Variants in PPIG observed in about 807,000 individuals in gnomAD.
The protein encoded by PPIG is peptidyl-prolyl cis-trans isomerase G.
In PPIG, 26 loss-of-function variants were observed where a neutral mutation model predicts 87.9. The observed-to-expected ratio is 0.30, with a 90% CI of 0.22 to 0.41. The LOEUF is 0.41. PPIG is among the 10% of genes least tolerant of loss of function. The probability of loss-of-function intolerance (pLI) is 1.00; values close to 1 mark genes in which losing one functional copy is unlikely to be tolerated. For synonymous variants in PPIG, 308 were observed against 276.5 expected (o/e 1.11, Z -1.13); for missense variants, 722 against 879.4 (o/e 0.82, Z 2.26).
Position 169,602,207 on chromosome 2 carries a change from T to A in PPIG, c.-69-1435T>A, listed in dbSNP as rs1377296452. On this transcript the variant is annotated intron_variant, in intron 1 of 13. Coordinates refer to ENST00000260970, the MANE Select transcript of PPIG (RefSeq NM_004792.3). ...CATCCCCAGGATATCTCGTGTATGA[T>A]AATATTCCAAAATTCAAAAAAAAAA... Among the ~76,000 whole-genome samples the A allele has an allele frequency of 2.9e-5, 4 of 139,268 alleles. No individual in the cohort carries two copies. In the East Asian group the frequency reaches 9.1e-4, roughly 32 times the overall value. The allele number at this position is 139,268 out of a possible 152,430, so 91.4% of individuals were successfully genotyped here.
chr2:169,592,494 C>G (rs772952020), intron 1 of PPIG, among the ~76,000 whole-genome samples: 2 of 151,894 alleles, frequency 1.3e-5, no homozygotes, highest in Admixed American at 6.6e-5. Context: ...TTAGGGGAGA[C>G]GGGGTTTCAC....
intron 9 of PPIG, among the ~76,000 whole-genome samples, chr2:169,624,760 T>G (rs1282541562): frequency 6.6e-6 from 1 of 151,964 alleles, no homozygotes; most frequent in East Asian, 1.9e-4. Context: ...GCTAATTTCT[T>G]TTTGTATTTT....
chr2:169,614,203 A>G (rs1001534629), intron 7 of PPIG, among the ~76,000 whole-genome samples: 2 of 152,248 alleles, frequency 1.3e-5, no homozygotes, highest in African/African-American at 4.8e-5. Context: ...TGAAATGTCT[A>G]TTTTAGTTAC....
At position 169,631,775 on chromosome 2, in the gene PPIG, T is replaced by A. The variant is rs1249204556; in HGVS notation, c.771T>A (p.Ser257Arg). 5 of 1,613,870 alleles carry A rather than the reference T, an allele frequency of 3.1e-6. No individual in the cohort carries two copies. The highest frequency in any genetic ancestry group is 4.2e-6 in the Non-Finnish European group (5 of 1,179,870). The change falls in exon 11 of 14, where the codon AGT becomes AGA. Residue 257 changes from serine to arginine, a missense_variant. By Grantham distance (110) the Ser-to-Arg change is moderately radical. Around this residue, in one of 4 missense-constraint regions of PPIG, gnomAD observed 142 missense variants for 152.8 expected, o/e 0.93. Coordinates refer to ENST00000260970, the MANE Select transcript of PPIG (RefSeq NM_004792.3). Reference protein sequence around the residue: ...KRKKSKKSASSESEAENLEAQ... With the variant: ...KRKKSKKSASRESEAENLEAQ... ...GTTTCTGTCTGTTAAGTGCATCTAG[T>A]GAGAGTGAAGCTGAAAATCTTGAAG...
intron 1 of PPIG, among the ~76,000 whole-genome samples, chr2:169,591,498 T>C (rs1684861783): frequency 1.3e-5 from 2 of 152,146 alleles, no homozygotes. Flanking sequence ...TTTTGTGCAT[T>C]TTGTATGATT....
chr2:169,624,181 G>A (rs1685825172), intron 9 of PPIG, among the ~76,000 whole-genome samples: 1 of 152,186 alleles, frequency 6.6e-6, no homozygotes. Context: ...TGCCCAGGCA[G>A]GTCTCAAATT....
intron 12 of PPIG, among the ~76,000 whole-genome samples, chr2:169,635,759 A>G (rs1420655369): frequency 6.6e-6 from 1 of 152,236 alleles, no homozygotes; most frequent in Non-Finnish European, 1.5e-5. Context: ...GGACTCTTCC[A>G]TGGAGAAGAC....
chr2:169,613,618 T>C (rs771569616), intron 7 of PPIG, among the ~76,000 whole-genome samples: 2 of 152,268 alleles, frequency 1.3e-5, no homozygotes, highest in African/African-American at 2.4e-5. Flanking sequence ...TCCAGATCTC[T>C]TGCAGCTAAT....
At chr2:169,604,612 A>G (rs1685270237) in intron 4 of PPIG, among the ~76,000 whole-genome samples, 2 of 152,026 alleles carry the variant, frequency 1.3e-5, no homozygotes, top group African/African-American at 2.4e-5. Flanking sequence ...GCAGTGGCTC[A>G]TGTCTGTAAT....
chr2:169,603,985 C>A, intron 2 of PPIG, 41 bp from the exon 3 acceptor site: 1 of 1,458,202 alleles, frequency 6.9e-7, no homozygotes, highest in Non-Finnish European at 9.5e-7. Flanking sequence ...AAGATCTTTG[C>A]TATTTTAGTC....
At chr2:169,618,943 C>T (rs1374808686) in intron 9 of PPIG, among the ~76,000 whole-genome samples, 1 of 151,600 alleles carries the variant, frequency 6.6e-6, no homozygotes, top group Non-Finnish European at 1.5e-5. Context: ...TTTGCTCTTG[C>T]TTCTCTAGTT....
intron 7 of PPIG, among the ~76,000 whole-genome samples, chr2:169,611,363 A>T (rs1685483422): frequency 6.6e-6 from 1 of 152,230 alleles, no homozygotes; most frequent in African/African-American, 2.4e-5. Context: ...TTTGGCTATA[A>T]TATAAATCTC....
chr2:169,627,552 G>A (rs928998464), intron 9 of PPIG, among the ~76,000 whole-genome samples: 28 of 151,788 alleles, frequency 1.8e-4, no homozygotes, highest in African/African-American at 5.8e-4. Flanking sequence ...TTGGAGACAG[G>A]TTCTCACTCT....
intron 5 of PPIG, 99 bp from the exon 6 acceptor site, chr2:169,607,005 C>T: frequency 3.9e-6 from 3 of 766,716 alleles, no homozygotes; most frequent in South Asian, 3.5e-5. Flanking sequence ...ATTGTTAATT[C>T]AAAATTATTC....
At chr2:169,624,982 A>G (rs185891337) in intron 9 of PPIG, among the ~76,000 whole-genome samples, 18 of 152,296 alleles carry the variant, frequency 1.2e-4, no homozygotes, top group Admixed American at 9.1e-4. Context: ...CTGAGAAATT[A>G]TTGTATATAT....
At chr2:169,620,992 G>A (rs556566776) in intron 9 of PPIG, among the ~76,000 whole-genome samples, 44 of 152,178 alleles carry the variant, frequency 2.9e-4, no homozygotes, top group African/African-American at 1.0e-3. Flanking sequence ...TAACTCTATA[G>A]TATTACATAT....
chr2:169,590,503 G>A (rs1017582511), intron 1 of PPIG, among the ~76,000 whole-genome samples: 6 of 152,044 alleles, frequency 3.9e-5, no homozygotes, highest in South Asian at 2.1e-4. Flanking sequence ...TTAGCCGGGC[G>A]TGGTGGCGGG....
chr2:169,622,722 G>A (rs1176898178), intron 9 of PPIG, among the ~76,000 whole-genome samples: 1 of 152,156 alleles, frequency 6.6e-6, no homozygotes, highest in Non-Finnish European at 1.5e-5. Context: ...ACACACTTGG[G>A]CCCCTGTTAT....
intron 9 of PPIG, among the ~76,000 whole-genome samples, chr2:169,630,240 C>T (rs1395077854): frequency 6.6e-6 from 1 of 151,832 alleles, no homozygotes; most frequent in African/African-American, 2.4e-5. Flanking sequence ...ACATTCTATT[C>T]ATCATGGGCA....
Sources: allele counts gnomAD v4.1 joint callset (sites outside exome capture counted in the v4.1 genomes callset), GRCh38; gene constraint gnomAD v4.1.1; regional missense constraint gnomAD v4.1.1; transcripts MANE v1.5; gene names NCBI Gene and HGNC (gene_info 2026-07-23, HGNC 2026-07-21).